Variants in LECT2 observed in about 807,000 individuals in gnomAD.
LECT2 encodes leukocyte cell derived chemotaxin 2.
A neutral mutation model predicts 16.6 loss-of-function variants in LECT2; 11 were observed. That is an observed-to-expected ratio of 0.66 (90% CI 0.42 to 1.09). The LOEUF (loss-of-function observed/expected upper bound fraction) is 1.09. LECT2 is among the 50% of genes least tolerant of loss of function. The pLI is 0.00. For synonymous variants in LECT2, 54 were observed against 64.8 expected (o/e 0.83, Z 0.80); for missense variants, 173 against 184.2 (o/e 0.94, Z 0.35).
intron 3 of LECT2, chr5:135,950,985 C>A (rs1373732071): frequency 9.1e-6 from 5 of 549,964 alleles, no homozygotes; most frequent in Non-Finnish European, 1.6e-5. Flanking sequence ...AATCTGTACA[C>A]CAAATGTCTG....
Position 135,949,422 on chromosome 5 carries a change from A to G in LECT2, c.289+1801T>C, listed in dbSNP as rs374338617. ...GTAGATTGGAGGATGCACTGGGCTC[A>G]CTGTAAGATGGACCCTAGTGAAAAG... On this transcript the variant is annotated intron_variant, in intron 3 of 3. Coordinates refer to ENST00000274507, the MANE Select transcript of LECT2 (RefSeq NM_002302.3). 3.2e-4 allele frequency among the ~76,000 whole-genome samples: 49 copies of G among 152,354 alleles called. 1 individual carries two copies. The highest frequency in any genetic ancestry group is 1.1e-3 in the African/African-American group (47 of 41,592).
At chr5:135,953,226 G>A (rs1324209010) in intron 1 of LECT2, 4 of 364,542 alleles carry the variant, frequency 1.1e-5, no homozygotes, top group South Asian at 6.0e-5. Flanking sequence ...TTTTTGGATC[G>A]GAGTCTCACT....
intron 3 of LECT2, chr5:135,950,674 A>G (rs1486718141): frequency 6.5e-6 from 1 of 153,132 alleles, no homozygotes; most frequent in Admixed American, 6.5e-5. Context: ...TTTCAAAAAT[A>G]TTTCACATTC....
intron 3 of LECT2, 57 bp from the exon 4 acceptor site, chr5:135,947,554 T>C: frequency 7.1e-7 from 1 of 1,417,116 alleles, no homozygotes; most frequent in East Asian, 2.4e-5. Flanking sequence ...GAATCTGAAA[T>C]TAAAAAAATA....
intron 3 of LECT2, among the ~76,000 whole-genome samples, chr5:135,949,181 G>C (rs925568936): frequency 6.6e-6 from 1 of 152,166 alleles, no homozygotes; most frequent in African/African-American, 2.4e-5. Flanking sequence ...TTCATTGATT[G>C]GAGGACTCAC....
intron 3 of LECT2, among the ~76,000 whole-genome samples, chr5:135,948,470 A>G (rs1464734830): frequency 1.3e-5 from 2 of 152,138 alleles, no homozygotes; most frequent in Non-Finnish European, 2.9e-5. Flanking sequence ...AAAGGTAGTT[A>G]ATATGAATTG....
intron 2 of LECT2, among the ~76,000 whole-genome samples, chr5:135,951,914 G>A (rs895661972): frequency 6.6e-6 from 1 of 152,104 alleles, no homozygotes; most frequent in African/African-American, 2.4e-5. Flanking sequence ...AGATTGTGAC[G>A]TGCCTTGAGT....
chr5:135,948,685 A>ATT (rs71833626), intron 3 of LECT2, among the ~76,000 whole-genome samples: 127 of 144,868 alleles, frequency 8.8e-4, no homozygotes, highest in African/African-American at 3.0e-3. Flanking sequence ...TATTATTATT[A>ATT]TTTTTTTGAG....
Position 135,951,457 on chromosome 5 carries a change from G to A in LECT2, c.144-89C>T, listed in dbSNP as rs912712330. 4 of 1,256,906 alleles carry A rather than the reference G, an allele frequency of 3.2e-6. No homozygotes were observed. In the Admixed American group the frequency reaches 6.4e-5, roughly 20 times the overall value. The allele number at this position is 1,256,906 out of a possible 1,614,324, so 77.9% of individuals were successfully genotyped here. A position where few individuals can be genotyped will look rare whatever the true frequency, so the allele number is the denominator to read the frequency against. ...ACATGGTGTTAGCCCACTGTTTGCA[G>A]ACGAGGTACCAAAGCTTGAAGCTGC... On this transcript the variant is annotated intron_variant, in intron 2 of 3. Coordinates refer to ENST00000274507, the MANE Select transcript of LECT2 (RefSeq NM_002302.3).
rs1022302334 is a variant in LECT2, at chr5:135,950,910, C to T, written c.289+313G>A. ...TGGTGAAACGTCCTTGAAAGTGCCT[C>T]AGCTGGGAGAGGATCAGAAAAAAAT... On this transcript the variant is annotated intron_variant, in intron 3 of 3. Coordinates refer to ENST00000274507, the MANE Select transcript of LECT2 (RefSeq NM_002302.3). The T allele has an allele frequency of 2.1e-4, 81 of 392,102 alleles. No homozygotes were observed. The East Asian group carries it at 2.8e-3, about 14-fold the overall frequency. 24.3% of individuals were successfully genotyped at this position (392,102 alleles called of 1,614,324 possible). A position where few individuals can be genotyped will look rare whatever the true frequency, so the allele number is the denominator to read the frequency against.
chr5:135,951,147 G>C lies in LECT2; in HGVS notation c.289+76C>G, dbSNP rs751789699. 45 of 1,364,070 alleles carry C rather than the reference G, an allele frequency of 3.3e-5. No homozygotes were observed. In the South Asian group the frequency reaches 4.0e-4, roughly 12 times the overall value. The allele number at this position is 1,364,070 out of a possible 1,614,324, so 84.5% of individuals were successfully genotyped here. On this transcript the variant is annotated intron_variant, in intron 3 of 3. Transcript: ENST00000274507. Reference sequence around the variant, plus strand: ...TTTGAAAGAAGTACAAAATCTCTACGTATGGAACCTGCATTAAATAAATGA... The same window carrying C: ...TTTGAAAGAAGTACAAAATCTCTACCTATGGAACCTGCATTAAATAAATGA...
rs1297395783 is a variant in LECT2 at position 135,947,292 on chromosome 5, T to C, written c.*39A>G. ...AGGGTATGCATCCAGGTTTTTAAGA[T>C]GACTTTTTATTTTGAAGATCTGACC... On this transcript the variant is annotated 3_prime_UTR_variant, in exon 4 of 4. Transcript: ENST00000274507. The C allele has an allele frequency of 6.3e-7, 1 of 1,590,918 alleles. No individual in the cohort carries two copies. The highest frequency in any genetic ancestry group is 8.6e-7 in the Non-Finnish European group (1 of 1,164,252).
intron 1 of LECT2, chr5:135,953,278 T>G: frequency 3.8e-6 from 1 of 263,722 alleles, no homozygotes; most frequent in South Asian, 4.7e-5. Context: ...CTCAGCTGAC[T>G]TCAACCTCCA....
chr5:135,949,450 A>G lies in LECT2; in HGVS notation c.289+1773T>C, dbSNP rs535498018. ...GTAAGATGGACCCTAGTGAAAAGCT[A>G]TATTTACCACCTGACTCTAAGCCCC... On this transcript the variant is annotated intron_variant, in intron 3 of 3. Transcript: ENST00000274507. 4.6e-5 allele frequency among the ~76,000 whole-genome samples: 7 copies of G among 152,284 alleles called. No individual in the cohort carries two copies. The East Asian group carries it at 1.4e-3, about 29-fold the overall frequency.
chr5:135,951,754 A>G (rs912732443), intron 2 of LECT2, among the ~76,000 whole-genome samples: 1 of 152,216 alleles, frequency 6.6e-6, no homozygotes, highest in African/African-American at 2.4e-5. Context: ...AACCTATCAT[A>G]AAAGTATCAC....
intron 3 of LECT2, among the ~76,000 whole-genome samples, chr5:135,949,356 A>C (rs1036305814): frequency 6.6e-6 from 1 of 152,238 alleles, no homozygotes; most frequent in African/African-American, 2.4e-5. Context: ...AAGAAAGTCA[A>C]TTCCAATTAT....
chr5:135,952,515 C>T (rs964909338), intron 2 of LECT2, among the ~76,000 whole-genome samples: 14 of 152,196 alleles, frequency 9.2e-5, no homozygotes, highest in African/African-American at 3.4e-4. Flanking sequence ...TGGCAGGTCC[C>T]TTAACCCTTT....
chr5:135,948,784 C>T (rs1580672612), intron 3 of LECT2, among the ~76,000 whole-genome samples: 1 of 151,904 alleles, frequency 6.6e-6, no homozygotes, highest in Middle Eastern at 3.4e-3. Flanking sequence ...ACGCCATTCT[C>T]CTGCCTCAGC....
rs1763712882 is a variant in LECT2, at chr5:135,947,094, C to G, written c.*237G>C. The G allele has an allele frequency of 3.0e-6, 1 of 330,824 alleles. No homozygotes were observed. The highest frequency in any genetic ancestry group is 5.4e-6 in the Non-Finnish European group (1 of 183,588). 20.5% of individuals were successfully genotyped at this position (330,824 alleles called of 1,614,324 possible). On this transcript the variant is annotated 3_prime_UTR_variant, in exon 4 of 4. Transcript: ENST00000274507. ...CATTTATCATGTTTCTATTTAAACTCAAATTTCCTTTTTTTAATTAAAAAA... is the reference window on the plus strand; with the variant it reads ...CATTTATCATGTTTCTATTTAAACTGAAATTTCCTTTTTTTAATTAAAAAA...
Sources: gnomAD v4.1 joint callset for allele counts (sites outside exome capture counted in the v4.1 genomes callset) on GRCh38, gnomAD v4.1.1 for gene constraint, MANE v1.5 for transcripts, NCBI Gene and HGNC (gene_info 2026-07-23, HGNC 2026-07-21) for gene names.